Variants in ZSWIM6 observed in about 807,000 individuals in gnomAD.
The protein encoded by ZSWIM6 is zinc finger SWIM domain-containing protein 6.
A neutral mutation model predicts 113.2 loss-of-function variants in ZSWIM6; 9 were observed. That is an observed-to-expected ratio of 0.08 (90% CI 0.05 to 0.14). The LOEUF is 0.14. Among genes scored for constraint, ZSWIM6 ranks in the 10% least tolerant of loss-of-function variants. ZSWIM6 has a pLI of 1.00. For synonymous variants in ZSWIM6, 611 were observed against 606.5 expected, an observed-to-expected ratio of 1.01 and a Z score of -0.11; for missense variants, 1,162 against 1,552.2, an observed-to-expected ratio of 0.75 and a Z score of 4.22.
At chr5:61,432,045 C>T (rs1435332423) in intron 1 of ZSWIM6, among the ~76,000 whole-genome samples, 1 of 152,230 alleles carries the variant, frequency 6.6e-6, no homozygotes, top group East Asian at 1.9e-4. Context: ...TTCATGTCTT[C>T]AAATGTTAAT....
At chr5:61,519,427 G>A (rs766981544) in intron 4 of ZSWIM6, among the ~76,000 whole-genome samples, 5 of 151,844 alleles carry the variant, frequency 3.3e-5, no homozygotes, top group Non-Finnish European at 7.4e-5. Context: ...AATGCTAGGA[G>A]AAAAAAAAGA....
chr5:61,385,592 C>A (rs1215017038), intron 1 of ZSWIM6, among the ~76,000 whole-genome samples: 2 of 152,200 alleles, frequency 1.3e-5, no homozygotes. Flanking sequence ...AGTATCTTGG[C>A]CCCTGCATTG....
intron 1 of ZSWIM6, among the ~76,000 whole-genome samples, chr5:61,382,184 A>G (rs1249334020): frequency 6.6e-6 from 1 of 152,176 alleles, no homozygotes; most frequent in African/African-American, 2.4e-5. Context: ...CTCTCCACAC[A>G]TAGCTGTCAG....
rs57899277 is a variant in ZSWIM6, at chr5:61,384,247, CAAA to C, written c.676+51321_676+51323del. On this transcript the variant is annotated intron_variant, in intron 1 of 13. Transcript: ENST00000252744. The stretch of plus-strand genomic sequence containing the variant: ...TAGGCGACAGAGCGAGACTCCGTCT[CAAA>C]AAAAAAAAAAAAAAAAAAAAATTTC... Among the ~76,000 whole-genome samples, 576 of 77,456 alleles carry C rather than the reference CAAA, an allele frequency of 7.4e-3. 3 individuals carry two copies. The highest frequency in any genetic ancestry group is 0.012 in the African/African-American group (263 of 22,636). 50.8% of individuals were successfully genotyped at this position (77,456 alleles called of 152,430 possible).
At chr5:61,397,169 A>G (rs1380634555) in intron 1 of ZSWIM6, among the ~76,000 whole-genome samples, 1 of 152,212 alleles carries the variant, frequency 6.6e-6, no homozygotes, top group African/African-American at 2.4e-5. Context: ...GACTCAATCT[A>G]AAAACCATTA....
chr5:61,476,515 A>G (rs963431390), intron 2 of ZSWIM6, among the ~76,000 whole-genome samples: 1 of 152,166 alleles, frequency 6.6e-6, no homozygotes, highest in African/African-American at 2.4e-5. Context: ...AAAATTAACC[A>G]CTACATGCTA....
chr5:61,470,467 A>T (rs1263141790), intron 1 of ZSWIM6, among the ~76,000 whole-genome samples: 1 of 152,170 alleles, frequency 6.6e-6, no homozygotes. Context: ...TTTATAGTAC[A>T]TCTGCATATA....
chr5:61,519,318 G>T (rs944281763), intron 4 of ZSWIM6, among the ~76,000 whole-genome samples: 1 of 152,040 alleles, frequency 6.6e-6, no homozygotes, highest in African/African-American at 2.4e-5. Context: ...TGGTTTGGGG[G>T]TCCTTTTTCC....
chr5:61,490,654 T>C, intron 2 of ZSWIM6, 132 bp from the exon 3 acceptor site: 1 of 877,080 alleles, frequency 1.1e-6, no homozygotes. Flanking sequence ...TTGTATTTAG[T>C]TTGTCACAAA....
At chr5:61,470,378 T>C (rs556767163) in intron 1 of ZSWIM6, among the ~76,000 whole-genome samples, 180 of 152,206 alleles carry the variant, frequency 1.2e-3, no homozygotes, top group Non-Finnish European at 2.2e-3. Flanking sequence ...TTGGGAACTT[T>C]CCAGACTCTC....
chr5:61,433,830 CAA>C (rs1356487198), intron 1 of ZSWIM6, among the ~76,000 whole-genome samples: 3 of 151,490 alleles, frequency 2.0e-5, no homozygotes, highest in African/African-American at 4.8e-5. Context: ...GAAAACTTGA[CAA>C]ATTTTCAATA....
chr5:61,356,961 A>G (rs1343537393), intron 1 of ZSWIM6, among the ~76,000 whole-genome samples: 2 of 151,336 alleles, frequency 1.3e-5, no homozygotes, highest in Admixed American at 6.6e-5. Context: ...AAACAGACCA[A>G]CGTAAGATGG....
intron 1 of ZSWIM6, among the ~76,000 whole-genome samples, chr5:61,429,701 CTA>C (rs747311531): frequency 2.6e-5 from 4 of 151,902 alleles, no homozygotes; most frequent in East Asian, 1.9e-4. Flanking sequence ...GTGTATGTGT[CTA>C]TGTGTGTGTG....
intron 2 of ZSWIM6, among the ~76,000 whole-genome samples, chr5:61,476,156 C>T (rs1261747977): frequency 1.3e-5 from 2 of 151,936 alleles, no homozygotes; most frequent in African/African-American, 4.8e-5. Flanking sequence ...CCCCTTTTTC[C>T]TTGTGAACTT....
At chr5:61,416,784 CAG>C (rs1746264914) in intron 1 of ZSWIM6, among the ~76,000 whole-genome samples, 1 of 152,190 alleles carries the variant, frequency 6.6e-6, no homozygotes, top group African/African-American at 2.4e-5. Flanking sequence ...TTTGAAAGAA[CAG>C]AAGTTGAGGA....
In ZSWIM6 at chr5:61,503,441, A is replaced by T. The variant is rs1279759298; in HGVS notation, c.1333+9031A>T. Among the ~76,000 whole-genome samples the T allele has an allele frequency of 2.0e-5, 3 of 152,210 alleles. No homozygotes were observed. In the East Asian group the frequency reaches 5.8e-4, roughly 29 times the overall value. On this transcript the variant is annotated intron_variant, in intron 4 of 13. Transcript: ENST00000252744. Reference sequence around the variant, plus strand: ...TCAAAATTTGCTTCAGCAAACCTGGAGAAGAGAGTGAGAAACATTAATAAA... The same window carrying T: ...TCAAAATTTGCTTCAGCAAACCTGGTGAAGAGAGTGAGAAACATTAATAAA...
intron 1 of ZSWIM6, among the ~76,000 whole-genome samples, chr5:61,389,907 A>C (rs549935750): frequency 6.6e-6 from 1 of 152,208 alleles, no homozygotes; most frequent in South Asian, 2.1e-4. Flanking sequence ...ATCTGGGAAT[A>C]AAAAAAGCAG....
intron 1 of ZSWIM6, among the ~76,000 whole-genome samples, chr5:61,362,719 T>TC (rs1745056083): frequency 6.6e-6 from 1 of 152,210 alleles, no homozygotes; most frequent in Non-Finnish European, 1.5e-5. Context: ...CCCAAAGCTT[T>TC]CTGTGCCATC....
chr5:61,417,106 C>G (rs2112120231), intron 1 of ZSWIM6, among the ~76,000 whole-genome samples: 1 of 152,104 alleles, frequency 6.6e-6, no homozygotes, highest in East Asian at 1.9e-4. Flanking sequence ...TGTGTCATTG[C>G]ACTCCAGCCT....
Sources: allele counts gnomAD v4.1 joint callset (sites outside exome capture counted in the v4.1 genomes callset), GRCh38; gene constraint gnomAD v4.1.1; transcripts MANE v1.5; gene names NCBI Gene and HGNC (gene_info 2026-07-23, HGNC 2026-07-21).